Variants in PCCA observed in about 807,000 individuals in gnomAD.
The protein encoded by PCCA is propionyl-CoA carboxylase subunit alpha, also known as propionyl-CoA carboxylase alpha chain, mitochondrial.
Under a neutral mutation model 101.3 loss-of-function variants are expected in PCCA, and 74 were observed. The ratio of observed to expected loss-of-function variants is 0.73; its 90% CI spans 0.61 to 0.89. The LOEUF (loss-of-function observed/expected upper bound fraction) is 0.89. Ranked by LOEUF, PCCA falls within the 40% of genes least tolerant of loss-of-function variation. The pLI is 0.00. For synonymous variants in PCCA, 294 were observed against 313.6 expected (o/e 0.94, Z 0.66); for missense variants, 891 against 907.0 (o/e 0.98, Z 0.23).
chr13:100,196,797 T>C (rs1171343211), intron 6 of PCCA, among the ~76,000 whole-genome samples: 1 of 152,194 alleles, frequency 6.6e-6, no homozygotes, highest in Non-Finnish European at 1.5e-5. Flanking sequence ...AATAGAACCT[T>C]TACCCCCTTC....
intron 4 of PCCA, among the ~76,000 whole-genome samples, chr13:100,117,413 A>G (rs1055815618): frequency 2.0e-5 from 3 of 150,100 alleles, no homozygotes; most frequent in African/African-American, 4.9e-5. Context: ...TTGTATCCAT[A>G]TGTACATTGT....
intron 22 of PCCA, among the ~76,000 whole-genome samples, chr13:100,520,870 T>C (rs1446654292): frequency 6.6e-6 from 1 of 152,122 alleles, no homozygotes; most frequent in East Asian, 1.9e-4. Context: ...TTTTCAGGAG[T>C]GATCTGCTTG....
At chr13:100,278,832 T>C (rs1475032040) in intron 12 of PCCA, among the ~76,000 whole-genome samples, 1 of 152,172 alleles carries the variant, frequency 6.6e-6, no homozygotes, top group Non-Finnish European at 1.5e-5. Flanking sequence ...ACTATCTAAG[T>C]ACCTATGTTT....
At chr13:100,294,056 G>T (rs896214158) in intron 12 of PCCA, among the ~76,000 whole-genome samples, 2 of 152,164 alleles carry the variant, frequency 1.3e-5, no homozygotes, top group Admixed American at 1.3e-4. Flanking sequence ...AGTTCTGGAG[G>T]CTGGAAGTCC....
intron 19 of PCCA, 27 bp from the exon 20 acceptor site, chr13:100,425,606 T>C (rs1595860242): frequency 6.8e-7 from 1 of 1,469,718 alleles, no homozygotes; most frequent in African/African-American, 1.4e-5. Flanking sequence ...TTCTTCATGG[T>C]AATGGTCTTA....
intron 19 of PCCA, among the ~76,000 whole-genome samples, chr13:100,415,474 A>G (rs887015106): frequency 2.0e-5 from 3 of 152,228 alleles, no homozygotes; most frequent in Non-Finnish European, 4.4e-5. Flanking sequence ...AGTCACTTCT[A>G]AGATATACTA....
In PCCA at chr13:100,244,345, C is replaced by T. The variant is rs545472876; in HGVS notation, c.637+8467C>T. Among the ~76,000 whole-genome samples the T allele has an allele frequency of 9.2e-5, 14 of 152,148 alleles. No homozygotes were observed. The East Asian group carries it at 2.5e-3, about 27-fold the overall frequency. Reference sequence around the variant, plus strand: ...GTGGCTTTTTTTCTTCTTTCTTTTCCAATGGGTGCTTATATTTTCTTTTAT... The same window carrying T: ...GTGGCTTTTTTTCTTCTTTCTTTTCTAATGGGTGCTTATATTTTCTTTTAT... On this transcript the variant is annotated intron_variant, in intron 8 of 23. Coordinates refer to ENST00000376285, the MANE Select transcript of PCCA (RefSeq NM_000282.4).
At chr13:100,466,575 T>C (rs1296649607) in intron 21 of PCCA, among the ~76,000 whole-genome samples, 4 of 152,162 alleles carry the variant, frequency 2.6e-5, no homozygotes, top group East Asian at 1.9e-4. Flanking sequence ...TCGTTTGAAA[T>C]AGAATCTCTA....
chr13:100,302,870 A>C (rs1313219830), intron 13 of PCCA, 54 bp from the exon 14 acceptor site: 5 of 965,208 alleles, frequency 5.2e-6, no homozygotes, highest in Non-Finnish European at 8.5e-6. Flanking sequence ...ATTTAACCTT[A>C]CTTGTGCTGA....
chr13:100,494,692 A>T (rs2085150018), intron 21 of PCCA, among the ~76,000 whole-genome samples: 1 of 151,078 alleles, frequency 6.6e-6, no homozygotes. Context: ...AAAAAAAAAA[A>T]TTTTGTAATT....
At chr13:100,422,135 CTTTTTTTT>C (rs1232975466) in intron 19 of PCCA, among the ~76,000 whole-genome samples, 1 of 68,782 alleles carries the variant, frequency 1.5e-5, no homozygotes, top group African/African-American at 6.3e-5. Context: ...TTCTTTCTTT[CTTTTTTTT>C]TTTTTTTTTG....
intron 6 of PCCA, among the ~76,000 whole-genome samples, chr13:100,160,108 T>C (rs888647681): frequency 6.6e-6 from 1 of 152,178 alleles, no homozygotes; most frequent in African/African-American, 2.4e-5. Flanking sequence ...ATTCCCCCAA[T>C]GTAAAAACAC....
chr13:100,157,984 G>C (rs1410979728), intron 6 of PCCA, among the ~76,000 whole-genome samples: 1 of 152,216 alleles, frequency 6.6e-6, no homozygotes, highest in African/African-American at 2.4e-5. Flanking sequence ...TTGCTTAACA[G>C]CGTGAATACA....
At chr13:100,463,350 T>C (rs1463983502) in intron 21 of PCCA, among the ~76,000 whole-genome samples, 1 of 149,674 alleles carries the variant, frequency 6.7e-6, no homozygotes, top group Non-Finnish European at 1.5e-5. Flanking sequence ...TTTTTTTTTT[T>C]TTTTTTTTTG....
intron 12 of PCCA, among the ~76,000 whole-genome samples, chr13:100,289,579 T>C (rs539121033): frequency 4.6e-5 from 7 of 152,070 alleles, no homozygotes; most frequent in Non-Finnish European, 8.8e-5. Flanking sequence ...TTTTCCATTT[T>C]GTTTTTCCTT....
At chr13:100,210,058 G>T (rs930365907) in intron 7 of PCCA, among the ~76,000 whole-genome samples, 1 of 152,126 alleles carries the variant, frequency 6.6e-6, no homozygotes, top group African/African-American at 2.4e-5. Flanking sequence ...AGGCTCAAAT[G>T]ATCCTCTCGC....
chr13:100,467,406 C>T (rs1008444594), intron 21 of PCCA, among the ~76,000 whole-genome samples: 2 of 152,128 alleles, frequency 1.3e-5, no homozygotes, highest in South Asian at 4.1e-4. Flanking sequence ...GAGTCTTGCT[C>T]TGTTGCCCAG....
intron 9 of PCCA, 56 bp from the exon 10 acceptor site, chr13:100,262,667 TCTTCCC>T (rs1334331388): frequency 3.8e-5 from 30 of 785,180 alleles, no homozygotes; most frequent in Middle Eastern, 4.7e-4. Flanking sequence ...TTCTTCTCCT[TCTTCCC>T]CTTCCCCTTC....
intron 16 of PCCA, among the ~76,000 whole-genome samples, chr13:100,329,180 CTTTG>C (rs2152731227): frequency 6.6e-6 from 1 of 151,942 alleles, no homozygotes; most frequent in Admixed American, 6.6e-5. Context: ...ACATTTCTCG[CTTTG>C]TTTTTTTGCT....
Sources: allele counts gnomAD v4.1 joint callset (sites outside exome capture counted in the v4.1 genomes callset), GRCh38; gene constraint gnomAD v4.1.1; transcripts MANE v1.5; gene names NCBI Gene and HGNC (gene_info 2026-07-23, HGNC 2026-07-21).